IL6R: variants seen among roughly 807,000 people sequenced by gnomAD.
IL6R encodes interleukin-6 receptor subunit alpha.
Under a neutral mutation model 48.3 loss-of-function variants are expected in IL6R, and 38 were observed. That is an observed-to-expected ratio of 0.79 (90% confidence interval 0.61 to 1.03). The LOEUF is 1.03. Among genes scored for constraint, IL6R ranks in the 50% least tolerant of loss-of-function variants. The pLI is 0.00. For missense variants in IL6R, 534 were observed against 618.3 expected (o/e 0.86, Z 1.45); for synonymous variants, 264 against 256.2 (o/e 1.03, Z -0.29).
At chr1:154,447,766 G>A (rs1384537358) in intron 6 of IL6R, among the ~76,000 whole-genome samples, 2 of 151,466 alleles carry the variant, frequency 1.3e-5, no homozygotes, top group Non-Finnish European at 2.9e-5. Flanking sequence ...CCATGCTGGA[G>A]TGCAATGGCA....
chr1:154,458,388 C>G (rs543851121), intron 9 of IL6R, among the ~76,000 whole-genome samples: 6 of 152,038 alleles, frequency 3.9e-5, no homozygotes, highest in Admixed American at 6.5e-5. Context: ...TATTTTTTGG[C>G]CAGTGAGGGG....
chr1:154,429,148 C>G (rs748953191), intron 1 of IL6R, 48 bp from the exon 2 acceptor site: 1 of 1,581,482 alleles, frequency 6.3e-7, no homozygotes, highest in Admixed American at 1.7e-5. Flanking sequence ...AACGAAGCCC[C>G]CTTCTTCAGT....
chr1:154,436,375 G>T (rs1273934660), intron 6 of IL6R, among the ~76,000 whole-genome samples: 1 of 152,184 alleles, frequency 6.6e-6, no homozygotes, highest in Non-Finnish European at 1.5e-5. Context: ...CTACTCAGGA[G>T]GCTGAGGCAG....
chr1:154,430,908 C>T (rs988208527), intron 3 of IL6R, among the ~76,000 whole-genome samples: 1 of 152,158 alleles, frequency 6.6e-6, no homozygotes, highest in Non-Finnish European at 1.5e-5. Flanking sequence ...GACTGATTAA[C>T]AGGTTTGGTT....
At chr1:154,461,902 A>G (rs1215807573) in intron 9 of IL6R, among the ~76,000 whole-genome samples, 1 of 152,120 alleles carries the variant, frequency 6.6e-6, no homozygotes, top group Non-Finnish European at 1.5e-5. Context: ...TCTCATGCCA[A>G]TCCCGTTCCT....
rs1691583959 is a variant in IL6R at position 154,467,066 on chromosome 1, C to T, written c.*1686C>T. 1.3e-5 allele frequency: 2 copies of T among 152,216 alleles called. No homozygotes were observed. Among genetic ancestry groups the T allele is most frequent in the African/African-American group, 4.8e-5 (2 of 41,402 alleles). The allele number at this position is 152,216 out of a possible 1,614,324, so 9.4% of individuals were successfully genotyped here. ...GAGAAGGAAGCCTCCCACGACTGCCCGGCAGGGTCCTAGAAATTCCCCACC... is the reference window on the plus strand; with the variant it reads ...GAGAAGGAAGCCTCCCACGACTGCCTGGCAGGGTCCTAGAAATTCCCCACC... On this transcript the variant is annotated 3_prime_UTR_variant, in exon 10 of 10. Transcript: ENST00000368485.
At chr1:154,439,696 T>G (rs936693182) in intron 6 of IL6R, among the ~76,000 whole-genome samples, 1 of 152,162 alleles carries the variant, frequency 6.6e-6, no homozygotes, top group Non-Finnish European at 1.5e-5. Context: ...CTCCAGGACT[T>G]TTTTCATCTT....
chr1:154,411,453 G>C (rs1165397841), intron 1 of IL6R, among the ~76,000 whole-genome samples: 3 of 152,288 alleles, frequency 2.0e-5, no homozygotes, highest in Admixed American at 6.5e-5. Flanking sequence ...GTAAATGTGG[G>C]AGTCGTGTGC....
At chr1:154,450,194 C>G (rs528300202) in intron 8 of IL6R, among the ~76,000 whole-genome samples, 3 of 151,210 alleles carry the variant, frequency 2.0e-5, no homozygotes, top group Non-Finnish European at 4.4e-5. Context: ...GGCATGATCT[C>G]GGCTCACCAC....
intron 1 of IL6R, chr1:154,414,982 G>T (rs577147726): frequency 4.4e-4 from 651 of 1,476,912 alleles, no homozygotes; most frequent in South Asian, 8.4e-4. Flanking sequence ...AGTATGTCAC[G>T]GGCCAGAATG....
chr1:154,434,229 C>A (rs1049927337), intron 3 of IL6R, among the ~76,000 whole-genome samples: 2 of 151,910 alleles, frequency 1.3e-5, no homozygotes, highest in Admixed American at 6.6e-5. Flanking sequence ...ATCTCTTGAA[C>A]CTGGGAGGGA....
chr1:154,430,539 G>C lies in IL6R; in HGVS notation c.391G>C (p.Val131Leu), dbSNP rs560083612. The change falls in exon 3 of 10, where the codon GTT becomes CTT. Residue 131 changes from valine (V) to leucine (L), a missense_variant. Physicochemically the swap from Val to Leu is conservative, Grantham distance 32. Coordinates refer to ENST00000368485, the MANE Select transcript of IL6R (RefSeq NM_000565.4). ...CFRKSPLSNV[V>L]CEWGPRSTPS... is the part of the protein sequence containing the mutation. ...CCGGAAGAGCCCCCTCAGCAATGTT[G>C]TTTGTGAGTGGGGTCCTCGGAGCAC... 1.9e-6 allele frequency: 3 copies of C among 1,614,120 alleles called. No individual in the cohort carries two copies. Among genetic ancestry groups the C allele is most frequent in the South Asian group, 2.2e-5 (2 of 91,084 alleles).
At chr1:154,417,736 ATT>A (rs34478341) in intron 1 of IL6R, among the ~76,000 whole-genome samples, 78,573 of 108,656 alleles carry the variant, frequency 0.72, 28,546 homozygotes, top group East Asian at 0.83. Context: ...TGCCCAGCTA[ATT>A]TTTTTTTTTT....
rs747302057 is a variant in IL6R at position 154,465,146 on chromosome 1, G to A, written c.1173G>A (p.Thr391=). The A allele has an allele frequency of 1.9e-5, 31 of 1,614,184 alleles. No individual in the cohort carries two copies. The highest frequency in any genetic ancestry group is 8.9e-5 in the East Asian group (4 of 44,878). The change falls in exon 10 of 10, where the codon ACG becomes ACA. Residue 391 remains threonine (T), a synonymous_variant. Transcript: ENST00000368485. ...CIAIVLRFKK[T]WKLRALKEGK... ...TGTTTGTGTGAAGGTTCAAGAAGAC[G>A]TGGAAGCTGCGGGCTCTGAAGGAAG...
At chr1:154,422,551 T>C (rs554351965) in intron 1 of IL6R, among the ~76,000 whole-genome samples, 5 of 152,330 alleles carry the variant, frequency 3.3e-5, no homozygotes, top group Admixed American at 3.3e-4. Flanking sequence ...AGTTTTTTTT[T>C]TCCTGGATTA....
rs1690487536 is a variant in IL6R at position 154,449,986 on chromosome 1, G to C, written c.1066+6G>C. On this transcript the variant is annotated splice_donor_region_variant and intron_variant, in intron 8 of 9. Coordinates refer to ENST00000368485, the MANE Select transcript of IL6R (RefSeq NM_000565.4). ...AAATGCGACAAGCCTCCCAGGTAAG[G>C]ACTGGGTATTTTCATATTCCCAGGG... 6.3e-7 allele frequency: 1 copy of C among 1,577,766 alleles called. No individual in the cohort carries two copies. The highest frequency in any genetic ancestry group is 1.3e-5 in the African/African-American group (1 of 74,240).
At position 154,462,872 on chromosome 1, in the gene IL6R, A is replaced by G. The variant is rs190787033; in HGVS notation, c.1161-2262A>G. Among the ~76,000 whole-genome samples, 10 of 152,150 alleles carry G rather than the reference A, an allele frequency of 6.6e-5. No homozygotes were observed. The East Asian group carries it at 1.5e-3, about 24-fold the overall frequency. Reference sequence around the variant, plus strand: ...ACCCAGGCTGGAGTGCAGTGGCACAATCTCAGCACACTGCAACCTCTGCTT... The same window carrying G: ...ACCCAGGCTGGAGTGCAGTGGCACAGTCTCAGCACACTGCAACCTCTGCTT... On this transcript the variant is annotated intron_variant, in intron 9 of 9. Coordinates refer to ENST00000368485, the MANE Select transcript of IL6R (RefSeq NM_000565.4).
At chr1:154,414,447 C>T in intron 1 of IL6R, 1 of 1,283,380 alleles carries the variant, frequency 7.8e-7, no homozygotes, top group Non-Finnish European at 1.1e-6. Context: ...TCTTCTGGCT[C>T]CTGCTGCTGG....
At position 154,429,403 on chromosome 1, in the gene IL6R, G is replaced by T. The variant is rs749494588; in HGVS notation, c.293G>T (p.Arg98Leu). 1 of 1,613,768 alleles carries T rather than the reference G, an allele frequency of 6.2e-7. No homozygotes were observed. The highest frequency in any genetic ancestry group is 1.1e-5 in the South Asian group (1 of 91,064). Residue 98 changes from arginine to leucine, a missense_variant, in exon 2 of 10, where the codon CGG becomes CTG. By Grantham distance (102) the Arg-to-Leu change is moderately radical. Transcript: ENST00000368485. Reference protein sequence around the residue: ...LHDSGNYSCYRAGRPAGTVHL... With the variant: ...LHDSGNYSCYLAGRPAGTVHL... ...GACTCTGGAAACTATTCATGCTACC[G>T]GGCCGGCCGCCCAGCTGGGACTGTG...
Sources: gnomAD v4.1 joint callset for allele counts (sites outside exome capture counted in the v4.1 genomes callset) on GRCh38, gnomAD v4.1.1 for gene constraint, MANE v1.5 for transcripts, NCBI Gene and HGNC (gene_info 2026-07-23, HGNC 2026-07-21) for gene names.